Variants in ITGB6 observed in about 807,000 individuals in gnomAD.
The protein encoded by ITGB6 is integrin subunit beta 6, also known as integrin beta-6.
In ITGB6, 80 loss-of-function variants were observed where a neutral mutation model predicts 84.5. The observed-to-expected ratio is 0.95, with a 90% CI of 0.79 to 1.14. ITGB6 has a LOEUF of 1.14. Ranked by LOEUF, ITGB6 falls within the 50% of genes most tolerant of loss-of-function variation. The probability of loss-of-function intolerance (pLI) is 0.00; values close to 1 mark genes in which losing one functional copy is unlikely to be tolerated. For synonymous variants in ITGB6, 383 were observed against 354.9 expected (o/e 1.08, Z -0.89); for missense variants, 1,006 against 968.0 (o/e 1.04, Z -0.52).
chr2:160,103,135 C>G (rs747046267), intron 14 of ITGB6, among the ~76,000 whole-genome samples: 12 of 152,162 alleles, frequency 7.9e-5, no homozygotes, highest in Non-Finnish European at 1.8e-4. Flanking sequence ...CTTTGATCAC[C>G]TCATTCCATG....
At chr2:160,142,793 C>T (rs993708242) in intron 7 of ITGB6, among the ~76,000 whole-genome samples, 22 of 152,154 alleles carry the variant, frequency 1.4e-4, no homozygotes, top group African/African-American at 4.1e-4. Context: ...CGGGCATGGC[C>T]AGGGAATGAG....
chr2:160,159,272 C>T (rs1684736577), intron 7 of ITGB6, among the ~76,000 whole-genome samples: 1 of 152,086 alleles, frequency 6.6e-6, no homozygotes, highest in Non-Finnish European at 1.5e-5. Context: ...GATACTAACT[C>T]AATTGGATCA....
At chr2:160,112,889 T>C (rs1190842394) in intron 12 of ITGB6, among the ~76,000 whole-genome samples, 1 of 152,152 alleles carries the variant, frequency 6.6e-6, no homozygotes, top group East Asian at 1.9e-4. Context: ...ATGAATGTCA[T>C]GACAGAAATT....
intron 14 of ITGB6, among the ~76,000 whole-genome samples, chr2:160,102,143 T>C (rs1696745612): frequency 6.6e-6 from 1 of 152,184 alleles, no homozygotes; most frequent in Non-Finnish European, 1.5e-5. Context: ...ACTGAGTCCC[T>C]GGCCCAAAGC....
In ITGB6 at chr2:160,138,110, G is replaced by C; in HGVS notation, c.1197C>G (p.Leu399=). 6.2e-7 allele frequency: 1 copy of C among 1,613,994 alleles called. No homozygotes were observed. The highest frequency in any genetic ancestry group is 8.5e-7 in the Non-Finnish European group (1 of 1,179,966). ...SFTAICNNGT[L]FQHQKKCSHM... is the part of the protein sequence containing the mutation. ...GAGAGCATTTCTTTTGGTGTTGGAAGAGGGTACCGTTGTTACAGATGGCTG... is the reference window on the plus strand; with the variant it reads ...GAGAGCATTTCTTTTGGTGTTGGAACAGGGTACCGTTGTTACAGATGGCTG... The change falls in exon 9 of 15, where the codon CTC becomes CTG. Residue 399 remains leucine, a synonymous_variant. Coordinates refer to ENST00000283249, the MANE Select transcript of ITGB6 (RefSeq NM_000888.5).
chr2:160,188,294 G>T (rs1685983584), intron 4 of ITGB6, among the ~76,000 whole-genome samples: 1 of 152,186 alleles, frequency 6.6e-6, no homozygotes, highest in South Asian at 2.1e-4. Flanking sequence ...TATCTGGACA[G>T]AGAAACTAAG....
At chr2:160,179,474 T>C (rs1685574471) in intron 4 of ITGB6, among the ~76,000 whole-genome samples, 1 of 150,190 alleles carries the variant, frequency 6.7e-6, no homozygotes, top group Non-Finnish European at 1.5e-5. Flanking sequence ...CTGCAACCTC[T>C]GCCTCAAGTG....
At chr2:160,146,374 C>T (rs1241644919) in intron 7 of ITGB6, among the ~76,000 whole-genome samples, 1 of 152,124 alleles carries the variant, frequency 6.6e-6, no homozygotes, top group African/African-American at 2.4e-5. Context: ...GCTTGCTTAA[C>T]TCTCTTTATG....
chr2:160,190,404 C>G (rs578070549), intron 4 of ITGB6, among the ~76,000 whole-genome samples: 1 of 151,856 alleles, frequency 6.6e-6, no homozygotes, highest in Non-Finnish European at 1.5e-5. Flanking sequence ...AGACTTACAG[C>G]GAAAACACCG....
intron 4 of ITGB6, among the ~76,000 whole-genome samples, chr2:160,184,476 G>A (rs1256815370): frequency 6.6e-6 from 1 of 152,194 alleles, no homozygotes; most frequent in South Asian, 2.1e-4. Context: ...CTGAAATTGA[G>A]ATAGTAATTA....
intron 4 of ITGB6, among the ~76,000 whole-genome samples, chr2:160,192,778 T>C (rs1686190575): frequency 6.6e-6 from 1 of 151,924 alleles, no homozygotes; most frequent in South Asian, 2.1e-4. Context: ...TAAAGTACTC[T>C]TACCACACAA....
chr2:160,108,220 T>TGTGC (rs1345478605), intron 13 of ITGB6, among the ~76,000 whole-genome samples: 1 of 94,100 alleles, frequency 1.1e-5, no homozygotes, highest in East Asian at 4.1e-4. Flanking sequence ...ATGGAGTGTG[T>TGTGC]GTGTGTGTGT....
chr2:160,119,236 A>G (rs537858767), intron 12 of ITGB6, among the ~76,000 whole-genome samples: 595 of 152,298 alleles, frequency 3.9e-3, no homozygotes, highest in Admixed American at 6.3e-3. Context: ...GAACAAAGCT[A>G]GAGGCATCAT....
chr2:160,131,300 C>G (rs1211178322), intron 10 of ITGB6, among the ~76,000 whole-genome samples: 1 of 151,906 alleles, frequency 6.6e-6, no homozygotes, highest in African/African-American at 2.4e-5. Flanking sequence ...GGAATTTGGG[C>G]AAGGAAAAAA....
chr2:160,199,389 G>A lies in ITGB6; in HGVS notation c.62-131C>T, dbSNP rs149019914. 5.1e-4 allele frequency: 321 copies of A among 624,516 alleles called. 1 individual carries two copies. The highest frequency in any genetic ancestry group is 3.3e-3 in the Middle Eastern group (13 of 3,884). The allele number at this position is 624,516 out of a possible 1,614,324, so 38.7% of individuals were successfully genotyped here. A position where few individuals can be genotyped will look rare whatever the true frequency, so the allele number is the denominator to read the frequency against. ...AGTTTAGTATCCAAAATCAGTCCTC[G>A]AAATGTTAGCAATTCACATAAAAGT... On this transcript the variant is annotated intron_variant, in intron 1 of 14. Coordinates refer to ENST00000283249, the MANE Select transcript of ITGB6 (RefSeq NM_000888.5).
chr2:160,109,948 G>A (rs944205630), intron 13 of ITGB6, among the ~76,000 whole-genome samples: 9 of 152,148 alleles, frequency 5.9e-5, no homozygotes, highest in Non-Finnish European at 8.8e-5. Flanking sequence ...CTGATTACAC[G>A]TTGAAATGAC....
rs913909530 is a variant in ITGB6, at chr2:160,118,701, A to C, written c.1981+5090T>G. The stretch of plus-strand genomic sequence containing the variant: ...AGGAGAAGGAAATAAAGGGTATTCA[A>C]TTAGGAAAAGAGGAAGTCAAATTGT... On this transcript the variant is annotated intron_variant, in intron 12 of 14. Coordinates refer to ENST00000283249, the MANE Select transcript of ITGB6 (RefSeq NM_000888.5). 4.6e-5 allele frequency among the ~76,000 whole-genome samples: 7 copies of C among 151,408 alleles called. No individual in the cohort carries two copies. In the East Asian group the frequency reaches 1.2e-3, roughly 25 times the overall value.
rs1870103 is a variant in ITGB6, at chr2:160,138,786, A to G, written c.1108-587T>C. On this transcript the variant is annotated intron_variant, in intron 8 of 14. Transcript: ENST00000283249. ...GTTTTGGTACATTTCTGCATACATA[A>G]TAAACTTTTCATCTCAATATCAAAT... Among the ~76,000 whole-genome samples, 285 of 152,334 alleles carry G rather than the reference A, an allele frequency of 1.9e-3. 11 individuals are homozygous for G. The East Asian group carries it at 0.051, about 27-fold the overall frequency.
chr2:160,103,999 C>T (rs1358635090), intron 14 of ITGB6, among the ~76,000 whole-genome samples: 1 of 152,146 alleles, frequency 6.6e-6, no homozygotes, highest in African/African-American at 2.4e-5. Flanking sequence ...GACAAGATAA[C>T]ACAATGTTAT....
Sources: gnomAD v4.1 joint callset for allele counts (sites outside exome capture counted in the v4.1 genomes callset) on GRCh38, gnomAD v4.1.1 for gene constraint, MANE v1.5 for transcripts, NCBI Gene and HGNC (gene_info 2026-07-23, HGNC 2026-07-21) for gene names.